CADM2: variants seen among roughly 807,000 people sequenced by gnomAD.
CADM2 encodes immunoglobulin superfamily member 4D.
CADM2 carries 12 observed loss-of-function variants against 49.8 expected under a neutral mutation model. The observed-to-expected ratio is 0.24, with a 90% CI of 0.15 to 0.39. The LOEUF (loss-of-function observed/expected upper bound fraction) is 0.39, where lower values mean the gene tolerates loss of function less well. Ranked by LOEUF, CADM2 falls within the 10% of genes least tolerant of loss-of-function variation. The probability of loss-of-function intolerance (pLI) is 1.00; values close to 1 mark genes in which losing one functional copy is unlikely to be tolerated. For missense variants in CADM2, 378 were observed against 492.3 expected (o/e 0.77, Z 2.20); for synonymous variants, 214 against 175.4 (o/e 1.22, Z -1.74).
intron 1 of CADM2, among the ~76,000 whole-genome samples, chr3:85,209,670 A>T (rs2041731291): frequency 6.6e-6 from 1 of 152,088 alleles, no homozygotes. Context: ...CATCTTAAAA[A>T]AAAAACATAC....
chr3:85,906,950 A>C (rs752620927), intron 5 of CADM2, among the ~76,000 whole-genome samples: 1 of 152,214 alleles, frequency 6.6e-6, no homozygotes, highest in African/African-American at 2.4e-5. Context: ...TGAATTAGCC[A>C]GACATAGTTA....
At position 85,954,201 on chromosome 3, in the gene CADM2, C is replaced by CGGG. The variant is rs558148988; in HGVS notation, c.792-7267_792-7265dup. On this transcript the variant is annotated intron_variant, in intron 7 of 9. Coordinates refer to ENST00000383699, the MANE Select transcript of CADM2 (RefSeq NM_001167675.2). ...AAAAATGAAATCTGAGGAGAAAACA[C>CGGG]GGGTTGAGGTACACTGCAATGACCT... Among the ~76,000 whole-genome samples the CGGG allele has an allele frequency of 2.7e-5, 4 of 150,864 alleles. No individual in the cohort carries two copies. The East Asian group carries it at 7.8e-4, about 29-fold the overall frequency.
At chr3:85,583,764 A>G (rs1377812705) in intron 1 of CADM2, among the ~76,000 whole-genome samples, 1 of 152,110 alleles carries the variant, frequency 6.6e-6, no homozygotes, top group Non-Finnish European at 1.5e-5. Context: ...ATTAAAAATT[A>G]CTTGAAATCA....
chr3:86,055,373 G>A (rs1197110677), intron 8 of CADM2, among the ~76,000 whole-genome samples: 1 of 150,504 alleles, frequency 6.6e-6, no homozygotes, highest in African/African-American at 2.4e-5. Context: ...CTGCTTTTTG[G>A]TTCATAGATA....
intron 1 of CADM2, among the ~76,000 whole-genome samples, chr3:85,437,717 T>C (rs2036998358): frequency 1.3e-5 from 2 of 152,008 alleles, no homozygotes; most frequent in South Asian, 2.1e-4. Flanking sequence ...GAAATCCTTG[T>C]TACTTAAATG....
chr3:85,913,541 C>T lies in CADM2; in HGVS notation c.700+998C>T, dbSNP rs146282319. ...ATTTTGTTTTCATTTATTTATTCAA[C>T]AATAATTTTTTAGTGGCACTATGTA... On this transcript the variant is annotated intron_variant, in intron 6 of 9. Transcript: ENST00000383699. Among the ~76,000 whole-genome samples the T allele has an allele frequency of 3.7e-3, 562 of 152,142 alleles. 2 individuals are homozygous for T. Among genetic ancestry groups the T allele is most frequent in the Non-Finnish European group, 5.2e-3 (356 of 67,996 alleles).
At chr3:85,174,915 C>G (rs745677284) in intron 1 of CADM2, among the ~76,000 whole-genome samples, 9 of 152,138 alleles carry the variant, frequency 5.9e-5, no homozygotes, top group Non-Finnish European at 1.3e-4. Context: ...TCGACAATAA[C>G]AGCAACATCA....
chr3:85,407,715 G>A (rs185205465), intron 1 of CADM2, among the ~76,000 whole-genome samples: 8 of 152,238 alleles, frequency 5.3e-5, no homozygotes, highest in Non-Finnish European at 1.0e-4. Flanking sequence ...GGGAGCAGGG[G>A]CTCACAACTG....
At chr3:85,482,665 T>C (rs1316098995) in intron 1 of CADM2, among the ~76,000 whole-genome samples, 1 of 151,842 alleles carries the variant, frequency 6.6e-6, no homozygotes, top group East Asian at 1.9e-4. Flanking sequence ...ATGGTTCATA[T>C]TGACAGAACA....
intron 1 of CADM2, among the ~76,000 whole-genome samples, chr3:85,581,770 A>G (rs932360546): frequency 6.6e-6 from 1 of 152,048 alleles, no homozygotes; most frequent in Non-Finnish European, 1.5e-5. Flanking sequence ...AGTGAAGCCA[A>G]ATAAAGACAT....
intron 2 of CADM2, among the ~76,000 whole-genome samples, chr3:85,787,157 C>T (rs977887591): frequency 3.9e-5 from 6 of 151,934 alleles, no homozygotes; most frequent in African/African-American, 1.4e-4. Context: ...ACTTACCAAG[C>T]CAATGCCATT....
intron 1 of CADM2, among the ~76,000 whole-genome samples, chr3:85,318,429 A>G (rs1003086795): frequency 6.6e-6 from 1 of 152,106 alleles, no homozygotes; most frequent in African/African-American, 2.4e-5. Flanking sequence ...GAAGAGGCAC[A>G]CTTCGTCCTA....
chr3:85,105,206 G>T (rs2107553716), intron 1 of CADM2, among the ~76,000 whole-genome samples: 1 of 151,964 alleles, frequency 6.6e-6, no homozygotes, highest in African/African-American at 2.4e-5. Context: ...TCTGACAAAG[G>T]GCTAATATGC....
chr3:85,159,819 A>G (rs2040258201), intron 1 of CADM2, among the ~76,000 whole-genome samples: 1 of 152,162 alleles, frequency 6.6e-6, no homozygotes, highest in Non-Finnish European at 1.5e-5. Context: ...ACTGTTTGTA[A>G]TATAAATTTC....
intron 1 of CADM2, among the ~76,000 whole-genome samples, chr3:85,314,993 A>G (rs2044430724): frequency 6.6e-6 from 1 of 152,200 alleles, no homozygotes; most frequent in Non-Finnish European, 1.5e-5. Context: ...TCTGGAGGCT[A>G]GAAATCCAAT....
intron 1 of CADM2, among the ~76,000 whole-genome samples, chr3:85,327,589 C>CACACACAT (rs1553709186): frequency 8.7e-6 from 1 of 115,214 alleles, no homozygotes. Context: ...CACACACACA[C>CACACACAT]CACACACACA....
chr3:85,552,185 G>C (rs2061820542), intron 1 of CADM2, among the ~76,000 whole-genome samples: 1 of 151,966 alleles, frequency 6.6e-6, no homozygotes, highest in African/African-American at 2.4e-5. Context: ...AAGGCTGATA[G>C]AACTGAAGCC....
chr3:85,706,387 T>G (rs2066952771), intron 1 of CADM2, among the ~76,000 whole-genome samples: 1 of 152,212 alleles, frequency 6.6e-6, no homozygotes, highest in East Asian at 1.9e-4. Flanking sequence ...ATAATCATTT[T>G]TCTACATCTG....
At chr3:85,295,373 G>A (rs1315863823) in intron 1 of CADM2, among the ~76,000 whole-genome samples, 1 of 152,192 alleles carries the variant, frequency 6.6e-6, no homozygotes, top group Non-Finnish European at 1.5e-5. Flanking sequence ...CATTGTGAAA[G>A]TCAGTGTGGC....
Sources: gnomAD v4.1 joint callset for allele counts (sites outside exome capture counted in the v4.1 genomes callset) on GRCh38, gnomAD v4.1.1 for gene constraint, MANE v1.5 for transcripts, NCBI Gene and HGNC (gene_info 2026-07-23, HGNC 2026-07-21) for gene names.